TTC3: variants seen among roughly 807,000 people sequenced by gnomAD.
TTC3 encodes the protein tetratricopeptide repeat domain 3.
In TTC3, 180 loss-of-function variants were observed where a neutral mutation model predicts 249.6. The ratio of observed to expected loss-of-function variants is 0.72; its 90% confidence interval spans 0.64 to 0.82. TTC3 has a LOEUF of 0.82. TTC3 is among the 40% of genes least tolerant of loss of function. TTC3 has a pLI of 0.00. For synonymous variants in TTC3, 717 were observed against 805.0 expected (o/e 0.89, Z 1.85); for missense variants, 2,061 against 2,398.4 (o/e 0.86, Z 2.94).
At chr21:37,101,698 G>T (rs1223498290) in intron 10 of TTC3, among the ~76,000 whole-genome samples, 1 of 151,622 alleles carries the variant, frequency 6.6e-6, no homozygotes, top group Non-Finnish European at 1.5e-5. Context: ...AATATAGGCA[G>T]TTTTATTTGG....
exon 46 of TTC3, chr21:37,201,478 G>T (rs755249832): frequency 6.2e-7 from 1 of 1,613,980 alleles, no homozygotes; most frequent in Non-Finnish European, 8.5e-7. Flanking sequence ...GCGCTTGCCC[G>T]GCCTGCCAGG....
intron 20 of TTC3, among the ~76,000 whole-genome samples, chr21:37,141,934 A>G (rs1267996033): frequency 6.6e-6 from 1 of 152,218 alleles, no homozygotes; most frequent in East Asian, 1.9e-4. Flanking sequence ...CTGGGATGCA[A>G]GGCTGGTTCA....
intron 11 of TTC3, among the ~76,000 whole-genome samples, chr21:37,115,878 A>G (rs533739824): frequency 1.3e-5 from 2 of 152,350 alleles, no homozygotes; most frequent in South Asian, 4.1e-4. Context: ...CGATATTGAA[A>G]GGACTCTTCT....
intron 1 of TTC3, among the ~76,000 whole-genome samples, chr21:37,076,283 T>G (rs1361227537): frequency 6.6e-6 from 1 of 152,242 alleles, no homozygotes; most frequent in Non-Finnish European, 1.5e-5. Flanking sequence ...TAATTTTCAC[T>G]GCTGTGTAAT....
exon 28 of TTC3, chr21:37,156,749 T>C (rs749417154): frequency 4.8e-5 from 77 of 1,613,990 alleles, no homozygotes; most frequent in Non-Finnish European, 6.1e-5. Flanking sequence ...ATGAGAAATA[T>C]GGTCACAAAC....
chr21:37,074,905 C>G (rs1172983595), intron 1 of TTC3, among the ~76,000 whole-genome samples: 1 of 152,122 alleles, frequency 6.6e-6, no homozygotes, highest in Non-Finnish European at 1.5e-5. Context: ...GGGAGCTAAC[C>G]AATCCATGAT....
At chr21:37,181,441 T>C (rs996452810) in intron 35 of TTC3, among the ~76,000 whole-genome samples, 3 of 152,194 alleles carry the variant, frequency 2.0e-5, no homozygotes, top group Non-Finnish European at 4.4e-5. Flanking sequence ...TTGGTCCTGG[T>C]AGAACCGAAC....
intron 28 of TTC3, chr21:37,158,271 A>T (rs957564237): frequency 3.2e-6 from 3 of 938,926 alleles, no homozygotes; most frequent in East Asian, 1.2e-4. Context: ...AAAACAAGAC[A>T]ACTAAAAAGG....
intron 11 of TTC3, among the ~76,000 whole-genome samples, chr21:37,109,120 A>G (rs1470019235): frequency 3.3e-5 from 5 of 152,142 alleles, no homozygotes; most frequent in Admixed American, 2.6e-4. Context: ...TCCAGTCTAC[A>G]GCTCCCAGCG....
chr21:37,119,864 A>T (rs894204134), intron 11 of TTC3, among the ~76,000 whole-genome samples: 1 of 152,076 alleles, frequency 6.6e-6, no homozygotes, highest in African/African-American at 2.4e-5. Context: ...TTTTAAAAAG[A>T]CTTTTACCAT....
At chr21:37,091,499 T>C (rs2073257326) in intron 7 of TTC3, 86 bp downstream of exon 7, 2 of 1,247,312 alleles carry the variant, frequency 1.6e-6, no homozygotes, top group East Asian at 6.2e-5. Flanking sequence ...TGATTTCTGA[T>C]TTATCTTAGA....
At chr21:37,195,607 T>C in intron 41 of TTC3, 68 bp from the exon 42 acceptor site, 1 of 1,522,172 alleles carries the variant, frequency 6.6e-7, no homozygotes, top group Non-Finnish European at 8.8e-7. Context: ...TCATCGGCCT[T>C]TGTCCTTGGG....
chr21:37,166,496 C>T lies in TTC3; in HGVS notation c.4282C>T (p.Leu1428=), dbSNP rs1452401623. Residue 1428 remains leucine, a synonymous_variant, in exon 33 of 46, where the codon CTG becomes TTG. Transcript: ENST00000355666. ...CAGCACAGGTGATGCTCATACAGTC[C>T]TGAGTGAGTCTAACAGAAATGATGA... 10 of 1,613,986 alleles carry T rather than the reference C, an allele frequency of 6.2e-6. No individual in the cohort carries two copies. The African/African-American group carries it at 9.3e-5, about 15-fold the overall frequency.
chr21:37,138,654 T>C, exon 19 of TTC3: 1 of 1,612,118 alleles, frequency 6.2e-7, no homozygotes, highest in African/African-American at 1.3e-5. Context: ...TGGCCATGAT[T>C]AACTATGTTT....
Position 37,192,218 on chromosome 21 carries a change from G to C in TTC3, c.5217+5G>C. 6.5e-7 allele frequency: 1 copy of C among 1,532,814 alleles called. No individual in the cohort carries two copies. Among genetic ancestry groups the C allele is most frequent in the Non-Finnish European group, 8.8e-7 (1 of 1,132,580 alleles). 95.0% of individuals were successfully genotyped at this position (1,532,814 alleles called of 1,614,324 possible). A position where few individuals can be genotyped will look rare whatever the true frequency, so the allele number is the denominator to read the frequency against. On this transcript the variant is annotated splice_donor_5th_base_variant and intron_variant, in intron 41 of 45. Coordinates refer to ENST00000355666, the Ensembl canonical transcript of TTC3. ...TCATTTCCTGCCTGTAACACGGTAA[G>C]TCTAGCACATCTTTTTTTTTTTTTT...
chr21:37,194,877 A>T (rs2084683557), intron 41 of TTC3: 1 of 152,200 alleles, frequency 6.6e-6, no homozygotes, highest in African/African-American at 2.4e-5. Context: ...TTATCAGTTT[A>T]TTGCCATCAG....
chr21:37,105,063 G>A lies in TTC3; in HGVS notation c.846-3329G>A, dbSNP rs544912322. ...CAGAGAGGTGGAACAAAGACTAAGT[G>A]TGGTGTCATAGAAGTAAGTAAAAGA... On this transcript the variant is annotated intron_variant, in intron 10 of 45. Transcript: ENST00000355666. Among the ~76,000 whole-genome samples, 6 of 152,342 alleles carry A rather than the reference G, an allele frequency of 3.9e-5. No homozygotes were observed. In the South Asian group the frequency reaches 1.0e-3, roughly 26 times the overall value.
At chr21:37,103,098 G>C (rs59637309) in intron 10 of TTC3, among the ~76,000 whole-genome samples, 1 of 151,944 alleles carries the variant, frequency 6.6e-6, no homozygotes, top group African/African-American at 2.4e-5. Flanking sequence ...TCATCATCTG[G>C]GGATGTTAGC....
chr21:37,108,502 A>T, intron 11 of TTC3, 56 bp downstream of exon 11: 1 of 1,519,884 alleles, frequency 6.6e-7, no homozygotes, highest in Non-Finnish European at 9.0e-7. Flanking sequence ...CATTGTGAAA[A>T]ATCTGTTTAT....
Sources: gnomAD v4.1 joint callset for allele counts (sites outside exome capture counted in the v4.1 genomes callset) on GRCh38, gnomAD v4.1.1 for gene constraint, MANE v1.5 for transcripts, NCBI Gene and HGNC (gene_info 2026-07-23, HGNC 2026-07-21) for gene names.